Variants in DYSF observed in about 807,000 individuals in gnomAD.
DYSF encodes dysferlin.
In DYSF, 212 loss-of-function variants were observed where a neutral mutation model predicts 274.9. That is an observed-to-expected ratio of 0.77 (90% CI 0.69 to 0.86). DYSF has a LOEUF of 0.86. Ranked by LOEUF, DYSF falls within the 40% of genes least tolerant of loss-of-function variation. The probability of loss-of-function intolerance (pLI) is 0.00; values close to 1 mark genes in which losing one functional copy is unlikely to be tolerated. For synonymous variants in DYSF, 1,091 were observed against 1,078.7 expected (o/e 1.01, Z -0.22); for missense variants, 2,666 against 2,783.2 (o/e 0.96, Z 0.95).
Position 71,611,365 on chromosome 2 carries a change from G to A in DYSF, c.4059+19G>A. On this transcript the variant is annotated intron_variant, in intron 37 of 55. Transcript: ENST00000410020. ...CATCGAGGTGAGCCGTCCGGGCCTGGGCGTGGGGGCTGGGAGCAGCCTGCC... is the reference window on the plus strand; with the variant it reads ...CATCGAGGTGAGCCGTCCGGGCCTGAGCGTGGGGGCTGGGAGCAGCCTGCC... 1 of 1,612,564 alleles carries A rather than the reference G, an allele frequency of 6.2e-7. No individual in the cohort carries two copies. Among genetic ancestry groups the A allele is most frequent in the Non-Finnish European group, 8.5e-7 (1 of 1,179,858 alleles).
chr2:71,531,638 T>G (rs1250861410), intron 14 of DYSF, among the ~76,000 whole-genome samples: 2 of 151,744 alleles, frequency 1.3e-5, no homozygotes, highest in Non-Finnish European at 2.9e-5. Context: ...ATGTGTCCTG[T>G]GTAGTCTCAT....
chr2:71,509,312 G>T (rs1196165113), intron 4 of DYSF, among the ~76,000 whole-genome samples: 3 of 152,090 alleles, frequency 2.0e-5, no homozygotes, highest in Non-Finnish European at 2.9e-5. Flanking sequence ...ATAAGCGTGG[G>T]CCACCATGCC....
At chr2:71,561,053 G>A (rs2091719737) in intron 22 of DYSF, among the ~76,000 whole-genome samples, 1 of 152,192 alleles carries the variant, frequency 6.6e-6, no homozygotes, top group Admixed American at 6.5e-5. Context: ...TGGGATGGGG[G>A]AGGTCAGAGT....
intron 36 of DYSF, among the ~76,000 whole-genome samples, chr2:71,603,446 G>A (rs1048144480): frequency 6.6e-6 from 1 of 152,190 alleles, no homozygotes; most frequent in Non-Finnish European, 1.5e-5. Context: ...AGACCTGGGT[G>A]GAGAGACAGG....
chr2:71,583,000 C>T (rs1476972096), intron 30 of DYSF, among the ~76,000 whole-genome samples: 6 of 131,170 alleles, frequency 4.6e-5, no homozygotes, highest in African/African-American at 8.7e-5. Flanking sequence ...GCTGTGATTG[C>T]GCCACTGCAC....
At chr2:71,657,028 A>G (rs1002620911) in intron 43 of DYSF, among the ~76,000 whole-genome samples, 4 of 152,224 alleles carry the variant, frequency 2.6e-5, no homozygotes, top group African/African-American at 9.6e-5. Context: ...TCCACAGTCC[A>G]AAGTCTCATC....
intron 48 of DYSF, among the ~76,000 whole-genome samples, chr2:71,668,112 C>T (rs745512987): frequency 1.3e-5 from 2 of 151,952 alleles, no homozygotes; most frequent in Non-Finnish European, 2.9e-5. Context: ...AGGTTATAGG[C>T]AAAGAGAAAG....
chr2:71,474,980 C>T, intron 1 of DYSF, among the ~76,000 whole-genome samples: 1 of 152,192 alleles, frequency 6.6e-6, no homozygotes, highest in East Asian at 1.9e-4. Context: ...CAGGCCCCCT[C>T]AGAACCCTGT....
intron 54 of DYSF, 64 bp downstream of exon 54, chr2:71,681,174 G>T: frequency 6.7e-7 from 1 of 1,491,572 alleles, no homozygotes; most frequent in Non-Finnish European, 9.3e-7. Flanking sequence ...CAGTCCAGGA[G>T]GCATCCCATT....
chr2:71,474,956 C>A (rs138576743), intron 1 of DYSF, among the ~76,000 whole-genome samples: 11 of 152,152 alleles, frequency 7.2e-5, no homozygotes, highest in African/African-American at 2.7e-4. Context: ...GAAGTGGACA[C>A]GTAGCTTGCA....
At chr2:71,454,782 G>A (rs2080985014) in intron 1 of DYSF, among the ~76,000 whole-genome samples, 1 of 152,086 alleles carries the variant, frequency 6.6e-6, no homozygotes, top group Admixed American at 6.5e-5. Flanking sequence ...TTATCAGATT[G>A]GGACCTCCTA....
chr2:71,649,137 C>CAAA (rs376775027), intron 42 of DYSF, among the ~76,000 whole-genome samples: 69 of 89,486 alleles, frequency 7.7e-4, no homozygotes, highest in Middle Eastern at 8.3e-3. Context: ...ACTTTGTCTC[C>CAAA]AAAAAAAAAA....
intron 52 of DYSF, among the ~76,000 whole-genome samples, chr2:71,674,571 A>G (rs1283025433): frequency 6.6e-6 from 1 of 152,200 alleles, no homozygotes; most frequent in Admixed American, 6.5e-5. Context: ...TCAGATATGT[A>G]AGTAAGCGAG....
At chr2:71,593,412 T>G (rs533959430) in intron 32 of DYSF, among the ~76,000 whole-genome samples, 1 of 152,338 alleles carries the variant, frequency 6.6e-6, no homozygotes, top group South Asian at 2.1e-4. Context: ...ATTACAGGCG[T>G]GAGCCACTGT....
At position 71,539,248 on chromosome 2, in the gene DYSF, C is replaced by T. The variant is rs1257070622; in HGVS notation, c.1576+9C>T. ...TGGAGGAGAAATAGAAGGTATGTTC[C>T]CTCTTCGTTCTGCCCTTTGACCCCC... is the stretch of plus-strand genomic sequence containing the variant. On this transcript the variant is annotated intron_variant, in intron 17 of 55. Coordinates refer to ENST00000410020, the MANE Select transcript of DYSF (RefSeq NM_001130987.2). The T allele has an allele frequency of 6.2e-7, 1 of 1,612,508 alleles. No homozygotes were observed. The highest frequency in any genetic ancestry group is 8.5e-7 in the Non-Finnish European group (1 of 1,178,578).
chr2:71,542,895 G>A (rs935280272), intron 17 of DYSF, among the ~76,000 whole-genome samples: 2 of 152,172 alleles, frequency 1.3e-5, no homozygotes, highest in Non-Finnish European at 2.9e-5. Context: ...GGTACACCTC[G>A]CAGATGGGGT....
chr2:71,488,333 G>A (rs1218519052), intron 3 of DYSF, among the ~76,000 whole-genome samples: 1 of 152,132 alleles, frequency 6.6e-6, no homozygotes, highest in East Asian at 1.9e-4. Context: ...ATTACTGTAG[G>A]TGTTTTTTAT....
chr2:71,662,384 G>A (rs913614553), intron 45 of DYSF, among the ~76,000 whole-genome samples: 6 of 152,162 alleles, frequency 3.9e-5, no homozygotes, highest in Admixed American at 3.3e-4. Context: ...GATGGCTCTA[G>A]GGGAGTGTGT....
rs557962877 is a variant in DYSF at position 71,630,549 on chromosome 2, C to T, written c.4527+9940C>T. Reference sequence around the variant, plus strand: ...GACACCTGTTGGGTCAATTTTCTCACGGCTAGATGTGTAAACTTACATGAG... The same window carrying T: ...GACACCTGTTGGGTCAATTTTCTCATGGCTAGATGTGTAAACTTACATGAG... On this transcript the variant is annotated intron_variant, in intron 41 of 55. Coordinates refer to ENST00000410020, the MANE Select transcript of DYSF (RefSeq NM_001130987.2). 8.5e-5 allele frequency among the ~76,000 whole-genome samples: 13 copies of T among 152,336 alleles called. No individual in the cohort carries two copies. The South Asian group carries it at 1.0e-3, about 12-fold the overall frequency.
Sources: gnomAD v4.1 joint callset for allele counts (sites outside exome capture counted in the v4.1 genomes callset) on GRCh38, gnomAD v4.1.1 for gene constraint, MANE v1.5 for transcripts, NCBI Gene and HGNC (gene_info 2026-07-23, HGNC 2026-07-21) for gene names.